Variants in RYR3 observed in about 807,000 individuals in gnomAD.
RYR3 encodes ryanodine receptor 3, also known as brain ryanodine receptor-calcium release channel.
In RYR3, 207 loss-of-function variants were observed where a neutral mutation model predicts 584.3. The ratio of observed to expected loss-of-function variants is 0.35; its 90% CI spans 0.32 to 0.40. The LOEUF (loss-of-function observed/expected upper bound fraction) is 0.40. Among genes scored for constraint, RYR3 ranks in the 10% least tolerant of loss-of-function variants. RYR3 has a pLI of 1.00. For synonymous variants in RYR3, 2,416 were observed against 2,248.5 expected, an observed-to-expected ratio of 1.07 and a Z score of -2.11; for missense variants, 5,616 against 6,089.2, an observed-to-expected ratio of 0.92 and a Z score of 2.59.
intron 38 of RYR3, among the ~76,000 whole-genome samples, chr15:33,686,423 G>C (rs2065013763): frequency 6.6e-6 from 1 of 152,112 alleles, no homozygotes; most frequent in Non-Finnish European, 1.5e-5. Flanking sequence ...CTGAAATTGA[G>C]GTAATAATTA....
intron 86 of RYR3, 135 bp downstream of exon 86, chr15:33,831,226 C>T: frequency 1.2e-6 from 1 of 806,928 alleles, no homozygotes; most frequent in South Asian, 3.0e-5. Flanking sequence ...TTTTTATTTT[C>T]TCTAAATAGG....
intron 3 of RYR3, among the ~76,000 whole-genome samples, chr15:33,517,060 T>A (rs1399740775): frequency 6.6e-6 from 1 of 152,168 alleles, no homozygotes; most frequent in Non-Finnish European, 1.5e-5. Flanking sequence ...AGTGGCACAA[T>A]CTTGGCTCAC....
At chr15:33,611,930 A>T (rs2060214553) in intron 18 of RYR3, among the ~76,000 whole-genome samples, 1 of 152,180 alleles carries the variant, frequency 6.6e-6, no homozygotes, top group African/African-American at 2.4e-5. Flanking sequence ...AAGTGCTGGG[A>T]TTATAGGCAT....
intron 1 of RYR3, among the ~76,000 whole-genome samples, chr15:33,409,117 T>G (rs929030473): frequency 2.6e-5 from 4 of 152,150 alleles, no homozygotes; most frequent in African/African-American, 9.7e-5. Context: ...AGGCAGAGGA[T>G]TTCTATAAAC....
chr15:33,503,582 T>C (rs1486222986), intron 2 of RYR3, 49 bp from the exon 3 acceptor site: 5 of 1,097,700 alleles, frequency 4.6e-6, no homozygotes, highest in Non-Finnish European at 6.9e-6. Context: ...GCGTGACTGA[T>C]CTCTGACTGA....
intron 86 of RYR3, among the ~76,000 whole-genome samples, chr15:33,833,029 A>T (rs2077797013): frequency 6.7e-6 from 1 of 149,376 alleles, no homozygotes; most frequent in African/African-American, 2.5e-5. Flanking sequence ...AAAGAGCCAA[A>T]GGGCTCCGAG....
chr15:33,840,024 T>G (rs2078261693), intron 89 of RYR3, among the ~76,000 whole-genome samples: 1 of 152,220 alleles, frequency 6.6e-6, no homozygotes. Context: ...GGATCTTAAC[T>G]TCTAGTGGGA....
In RYR3 at chr15:33,529,884, G is replaced by C. The variant is rs563136775; in HGVS notation, c.280-708G>C. Among the ~76,000 whole-genome samples, 6 of 152,186 alleles carry C rather than the reference G, an allele frequency of 3.9e-5. No individual in the cohort carries two copies. The South Asian group carries it at 1.2e-3, about 32-fold the overall frequency. On this transcript the variant is annotated intron_variant, in intron 3 of 103. Transcript: ENST00000634891. ...TGAATCAGATTCAGGGAAAGAATAA[G>C]AAACAGACACCAGTGGCTTTATGTC...
intron 1 of RYR3, among the ~76,000 whole-genome samples, chr15:33,411,441 A>G (rs1011404135): frequency 6.6e-6 from 1 of 152,186 alleles, no homozygotes; most frequent in Non-Finnish European, 1.5e-5. Flanking sequence ...TCATATTTAC[A>G]TGGAGGAATT....
chr15:33,772,065 C>G lies in RYR3; in HGVS notation c.8962C>G (p.Gln2988Glu), dbSNP rs1448931333. The change falls in exon 63 of 104, where the codon CAG becomes GAG. Residue 2988 changes from glutamine to glutamate, a missense_variant. Coordinates refer to ENST00000634891, the MANE Select transcript of RYR3 (RefSeq NM_001036.6). Reference sequence around the variant, plus strand: ...CCGAACGCAGATTAAAGGCGTTTCTCAGAATATTAACTACACTACAGTGGC... The same window carrying G: ...CCGAACGCAGATTAAAGGCGTTTCTGAGAATATTAACTACACTACAGTGGC... Reference protein sequence around the residue: ...HSRTQIKGVSQNINYTTVALL... With the variant: ...HSRTQIKGVSENINYTTVALL... The G allele has an allele frequency of 2.5e-6, 4 of 1,613,764 alleles. No homozygotes were observed. The South Asian group carries it at 4.4e-5, about 18-fold the overall frequency.
At position 33,865,204 on chromosome 15, in the gene RYR3, A is replaced by G; in HGVS notation, c.14591A>G (p.Gln4864Arg). 3 of 1,613,520 alleles carry G rather than the reference A, an allele frequency of 1.9e-6. No individual in the cohort carries two copies. Among genetic ancestry groups the G allele is most frequent in the Non-Finnish European group, 2.5e-6 (3 of 1,179,646 alleles). ...FFPAGDCFRK[Q>R]YEDQLG Reference sequence around the variant, plus strand: ...CCAGCCGGTGACTGCTTTCGTAAACAATATGAAGATCAGCTTGGATAAATC... The same window carrying G: ...CCAGCCGGTGACTGCTTTCGTAAACGATATGAAGATCAGCTTGGATAAATC... The change falls in exon 104 of 104, where the codon CAA (glutamine) becomes CGA (arginine). Residue 4864 changes from glutamine (Q) to arginine (R), a missense_variant. This residue lies in a region of RYR3 where 918 missense variants were observed against 887.4 expected (regional missense o/e 1.03). Coordinates refer to ENST00000634891, the MANE Select transcript of RYR3 (RefSeq NM_001036.6).
rs555636916 is a variant in RYR3, at chr15:33,423,341, T to G, written c.52-50078T>G. ...GTAGTATGTATCAGAACTTCATTCC[T>G]TTTTTATAGCTGAATAAAATTCAAT... On this transcript the variant is annotated intron_variant, in intron 1 of 103. Coordinates refer to ENST00000634891, the MANE Select transcript of RYR3 (RefSeq NM_001036.6). Among the ~76,000 whole-genome samples the G allele has an allele frequency of 8.5e-5, 13 of 152,346 alleles. No individual in the cohort carries two copies. In the East Asian group the frequency reaches 2.5e-3, roughly 29 times the overall value.
intron 19 of RYR3, among the ~76,000 whole-genome samples, chr15:33,616,371 G>A (rs561436377): frequency 6.6e-6 from 1 of 152,278 alleles, no homozygotes; most frequent in African/African-American, 2.4e-5. Flanking sequence ...TTTTTAGAGG[G>A]TAGTGGAGGG....
At position 33,853,621 on chromosome 15, in the gene RYR3, A is replaced by T. The variant is rs1429419224; in HGVS notation, c.13738A>T (p.Asn4580Tyr). 3.1e-6 allele frequency: 5 copies of T among 1,613,894 alleles called. No homozygotes were observed. In the African/African-American group the frequency reaches 4.0e-5, roughly 13 times the overall value. ...TGCTGAACTTCTGGGTTTGGACAAA[A>T]ATGCTCTTGACTTTAGCCCAGTAGA... is the stretch of plus-strand genomic sequence containing the variant. ...RIAELLGLDK[N>Y]ALDFSPVEET... Residue 4580 changes from asparagine to tyrosine, a missense_variant, in exon 96 of 104, where the codon AAT becomes TAT. Asn to Tyr is a moderately radical substitution (Grantham distance 143). Transcript: ENST00000634891.
chr15:33,831,170 C>A, intron 86 of RYR3, 79 bp downstream of exon 86: 5 of 1,392,372 alleles, frequency 3.6e-6, no homozygotes, highest in Non-Finnish European at 4.9e-6. Flanking sequence ...CTACAGAATA[C>A]TTGATTGTAC....
At chr15:33,556,087 A>C (rs550133484) in intron 10 of RYR3, among the ~76,000 whole-genome samples, 3 of 152,186 alleles carry the variant, frequency 2.0e-5, no homozygotes, top group Admixed American at 1.3e-4. Flanking sequence ...CCCAGCATCC[A>C]TGAATGGGCT....
rs761578408 is a variant in RYR3, at chr15:33,785,958, G to A, written c.9565G>A (p.Ala3189Thr). 6.3e-7 allele frequency: 1 copy of A among 1,598,014 alleles called. No individual in the cohort carries two copies. Among genetic ancestry groups the A allele is most frequent in the African/African-American group, 1.3e-5 (1 of 74,650 alleles). The part of the protein sequence containing the change: ...IINNNLGIDE[A>T]SWMKRIAVYA... The stretch of plus-strand genomic sequence containing the variant: ...CAACAACAACCTGGGCATCGATGAG[G>A]CCTCCTGGATGAAGCGCATTGCAGG... The change falls in exon 66 of 104, where the codon GCC becomes ACC. Residue 3189 changes from alanine (A) to threonine (T), a missense_variant. Physicochemically the swap from Ala to Thr is moderately conservative, Grantham distance 58. Transcript: ENST00000634891.
chr15:33,341,180 A>G (rs1971769451), intron 1 of RYR3, among the ~76,000 whole-genome samples: 1 of 152,130 alleles, frequency 6.6e-6, no homozygotes, highest in African/African-American at 2.4e-5. Flanking sequence ...CTGGGACTAC[A>G]GGTGCGCCCC....
intron 16 of RYR3, among the ~76,000 whole-genome samples, chr15:33,594,792 A>G (rs571832362): frequency 6.6e-6 from 1 of 152,310 alleles, no homozygotes; most frequent in South Asian, 2.1e-4. Context: ...AGCCATAGTT[A>G]AAAGAAACAA....
Sources: allele counts gnomAD v4.1 joint callset (sites outside exome capture counted in the v4.1 genomes callset), GRCh38; gene constraint gnomAD v4.1.1; regional missense constraint gnomAD v4.1.1; transcripts MANE v1.5; gene names NCBI Gene and HGNC (gene_info 2026-07-23, HGNC 2026-07-21).